Variants in CAMKMT observed in about 807,000 individuals in gnomAD.
CAMKMT encodes the protein CaM KMT.
Under a neutral mutation model 48.0 loss-of-function variants are expected in CAMKMT, and 53 were observed. That is an observed-to-expected ratio of 1.10 (90% CI 0.89 to 1.39). The LOEUF is 1.39. Ranked by LOEUF, CAMKMT falls within the 40% of genes most tolerant of loss-of-function variation. CAMKMT has a pLI of 0.00. For missense variants in CAMKMT, 428 were observed against 402.7 expected (o/e 1.06, Z -0.54); for synonymous variants, 165 against 152.3 (o/e 1.08, Z -0.61).
rs547023251 is a variant in CAMKMT at position 44,633,850 on chromosome 2, C to T, written c.377-70433C>T. Among the ~76,000 whole-genome samples, 3 of 151,962 alleles carry T rather than the reference C, an allele frequency of 2.0e-5. No individual in the cohort carries two copies. In the South Asian group the frequency reaches 6.2e-4, roughly 32 times the overall value. On this transcript the variant is annotated intron_variant, in intron 3 of 10. Transcript: ENST00000378494. ...CTGTGAACATTACATTGTTGAGGGTCTGAATTTATTTTTTGTTTTGGTAGT... is the reference window on the plus strand; with the variant it reads ...CTGTGAACATTACATTGTTGAGGGTTTGAATTTATTTTTTGTTTTGGTAGT...
intron 3 of CAMKMT, among the ~76,000 whole-genome samples, chr2:44,600,911 A>G (rs1015944978): frequency 1.3e-5 from 2 of 152,130 alleles, no homozygotes; most frequent in East Asian, 1.9e-4. Context: ...GTGGCTAACA[A>G]TTTTGATAAC....
intron 3 of CAMKMT, among the ~76,000 whole-genome samples, chr2:44,502,895 G>A (rs1670074402): frequency 6.6e-6 from 1 of 151,914 alleles, no homozygotes; most frequent in Non-Finnish European, 1.5e-5. Context: ...TGTAATTTGG[G>A]GGTATAGAAA....
chr2:44,371,319 A>G (rs1240348703), intron 1 of CAMKMT, among the ~76,000 whole-genome samples: 2 of 151,958 alleles, frequency 1.3e-5, no homozygotes, highest in East Asian at 2.0e-4. Flanking sequence ...GGGTCTTGCC[A>G]TGTTGCTCAG....
Position 44,409,401 on chromosome 2 carries a change from A to G in CAMKMT, c.376+19096A>G, listed in dbSNP as rs1240881325. On this transcript the variant is annotated intron_variant, in intron 3 of 10. Transcript: ENST00000378494. The stretch of plus-strand genomic sequence containing the variant: ...ACACTTTCATATCATGTGGGGTTGT[A>G]TGATTTACAAATTAGGTATTGGCTG... 2.0e-5 allele frequency among the ~76,000 whole-genome samples: 3 copies of G among 152,128 alleles called. No individual in the cohort carries two copies. The East Asian group carries it at 5.8e-4, about 29-fold the overall frequency.
intron 8 of CAMKMT, among the ~76,000 whole-genome samples, chr2:44,753,249 CAAAAAAAAAA>C (rs772390371): frequency 0.32 from 21,359 of 65,984 alleles, 1,831 homozygotes; most frequent in South Asian, 0.5. Context: ...CCTGTCCCTA[CAAAAAAAAAA>C]AAAAAAAAAA....
At chr2:44,748,646 G>T (rs1377586589) in intron 8 of CAMKMT, among the ~76,000 whole-genome samples, 1 of 152,112 alleles carries the variant, frequency 6.6e-6, no homozygotes, top group Non-Finnish European at 1.5e-5. Flanking sequence ...GCCGAGGCGG[G>T]CAGATCATGA....
intron 2 of CAMKMT, among the ~76,000 whole-genome samples, chr2:44,374,275 C>T (rs2104364204): frequency 6.6e-6 from 1 of 152,068 alleles, no homozygotes; most frequent in Middle Eastern, 3.4e-3. Flanking sequence ...CAGTTTTGTC[C>T]TTGGTTAGAA....
intron 2 of CAMKMT, among the ~76,000 whole-genome samples, chr2:44,382,222 C>T (rs901664326): frequency 5.3e-5 from 8 of 151,890 alleles, no homozygotes; most frequent in Admixed American, 1.3e-4. Context: ...GGATTATAGG[C>T]GTGAGTCATC....
At chr2:44,453,360 T>G (rs1667393447) in intron 3 of CAMKMT, among the ~76,000 whole-genome samples, 1 of 152,078 alleles carries the variant, frequency 6.6e-6, no homozygotes, top group South Asian at 2.1e-4. Flanking sequence ...GGTTTTGATT[T>G]AGTTCAAGTG....
chr2:44,704,211 A>G (rs1677417409), intron 3 of CAMKMT, 72 bp from the exon 4 acceptor site: 6 of 1,237,394 alleles, frequency 4.8e-6, no homozygotes, highest in African/African-American at 1.5e-5. Flanking sequence ...TGTACTGAAC[A>G]TTATTTTTAA....
At chr2:44,557,305 A>C (rs1176461221) in intron 3 of CAMKMT, among the ~76,000 whole-genome samples, 1 of 150,312 alleles carries the variant, frequency 6.7e-6, no homozygotes, top group African/African-American at 2.4e-5. Context: ...TTTTTTTCCT[A>C]TTTAAAAGTG....
At chr2:44,617,572 G>A (rs986883427) in intron 3 of CAMKMT, among the ~76,000 whole-genome samples, 1 of 152,208 alleles carries the variant, frequency 6.6e-6, no homozygotes, top group Admixed American at 6.5e-5. Context: ...AGGCTTGAAT[G>A]TGGGAATGTA....
At chr2:44,726,623 T>C (rs1678801327) in intron 7 of CAMKMT, among the ~76,000 whole-genome samples, 1 of 152,220 alleles carries the variant, frequency 6.6e-6, no homozygotes, top group South Asian at 2.1e-4. Context: ...TTTCGTGTAA[T>C]CAGGTCACAC....
chr2:44,480,066 G>A (rs1014900551), intron 3 of CAMKMT, among the ~76,000 whole-genome samples: 3 of 152,138 alleles, frequency 2.0e-5, no homozygotes, highest in South Asian at 2.1e-4. Flanking sequence ...TCCATGTTCA[G>A]GAGCTGAGTG....
chr2:44,403,553 C>T (rs1470134735), intron 3 of CAMKMT, among the ~76,000 whole-genome samples: 1 of 152,192 alleles, frequency 6.6e-6, no homozygotes, highest in African/African-American at 2.4e-5. Flanking sequence ...CTTCTCACTA[C>T]TGCTGATTTA....
intron 3 of CAMKMT, among the ~76,000 whole-genome samples, chr2:44,554,784 G>A (rs944422630): frequency 1.3e-5 from 2 of 152,138 alleles, no homozygotes; most frequent in Non-Finnish European, 2.9e-5. Flanking sequence ...GCTGAGGTGG[G>A]AGAATCGCTT....
intron 3 of CAMKMT, among the ~76,000 whole-genome samples, chr2:44,568,992 T>A (rs775988118): frequency 1.3e-5 from 2 of 152,330 alleles, no homozygotes; most frequent in East Asian, 3.9e-4. Flanking sequence ...TCTAGGGCAG[T>A]GTCAGAATTC....
chr2:44,772,331 G>A lies in CAMKMT; in HGVS notation c.*218G>A. ...TTACACTCTGCTTGTTGCTCGTCCT[G>A]CCCTAAACCTTTGTTTGTCTTTAAA... On this transcript the variant is annotated 3_prime_UTR_variant, in exon 11 of 11. Transcript: ENST00000378494. 1 of 454,854 alleles carries A rather than the reference G, an allele frequency of 2.2e-6. No individual in the cohort carries two copies. The highest frequency in any genetic ancestry group is 3.4e-4 in the Middle Eastern group (1 of 2,938). 28.2% of individuals were successfully genotyped at this position (454,854 alleles called of 1,614,324 possible).
chr2:44,508,165 C>G (rs1201801839), intron 3 of CAMKMT, among the ~76,000 whole-genome samples: 1 of 152,130 alleles, frequency 6.6e-6, no homozygotes, highest in Non-Finnish European at 1.5e-5. Flanking sequence ...TTGAGTAGCA[C>G]TGGTATAGAG....
Sources: allele counts gnomAD v4.1 joint callset (sites outside exome capture counted in the v4.1 genomes callset), GRCh38; gene constraint gnomAD v4.1.1; transcripts MANE v1.5; gene names NCBI Gene and HGNC (gene_info 2026-07-23, HGNC 2026-07-21).